SOX6: variants seen among roughly 807,000 people sequenced by gnomAD.
SOX6 encodes transcription factor SOX-6.
In SOX6, 11 loss-of-function variants were observed where a neutral mutation model predicts 97.8. The ratio of observed to expected loss-of-function variants is 0.11; its 90% confidence interval spans 0.07 to 0.19. The LOEUF (loss-of-function observed/expected upper bound fraction) is 0.19. Among genes scored for constraint, SOX6 ranks in the 10% least tolerant of loss-of-function variants. SOX6 has a pLI of 1.00. For synonymous variants in SOX6, 360 were observed against 371.4 expected (o/e 0.97, Z 0.35); for missense variants, 810 against 1,039.5 (o/e 0.78, Z 3.04).
chr11:16,669,391 C>A (rs879051068), intron 3 of SOX6, among the ~76,000 whole-genome samples: 6 of 152,216 alleles, frequency 3.9e-5, no homozygotes, highest in Non-Finnish European at 7.4e-5. Context: ...GAACCTCCCC[C>A]ACCCAGGGAA....
intron 15 of SOX6, among the ~76,000 whole-genome samples, chr11:15,982,683 G>A (rs529848119): frequency 6.6e-6 from 1 of 151,872 alleles, no homozygotes; most frequent in Non-Finnish European, 1.5e-5. Context: ...GAAAAAAAAA[G>A]TCTGTAGATG....
intron 1 of SOX6, among the ~76,000 whole-genome samples, chr11:16,475,802 A>C (rs1860234499): frequency 6.6e-6 from 1 of 152,344 alleles, no homozygotes. Flanking sequence ...TGCTTAAAAA[A>C]AAATCTGCAA....
intron 4 of SOX6, among the ~76,000 whole-genome samples, chr11:16,604,711 C>G (rs1848313365): frequency 6.6e-6 from 1 of 152,218 alleles, no homozygotes; most frequent in African/African-American, 2.4e-5. Context: ...TCGCTAACAG[C>G]CCAGCCCCGC....
intron 7 of SOX6, among the ~76,000 whole-genome samples, chr11:16,106,330 T>A (rs1849083019): frequency 6.7e-6 from 1 of 148,314 alleles, no homozygotes; most frequent in Non-Finnish European, 1.5e-5. Context: ...AGGATGGTAC[T>A]GGCATAAGGA....
intron 1 of SOX6, among the ~76,000 whole-genome samples, chr11:16,472,491 A>G (rs778905413): frequency 3.3e-5 from 5 of 152,168 alleles, no homozygotes; most frequent in Non-Finnish European, 5.9e-5. Context: ...AATACCTTGC[A>G]TAAATTAAAG....
intron 9 of SOX6, among the ~76,000 whole-genome samples, chr11:16,058,257 C>A (rs74843543): frequency 0.024 from 3,645 of 152,010 alleles, 145 homozygotes; most frequent in African/African-American, 0.083. Context: ...TACTCTTATT[C>A]TCTGATTGCT....
chr11:16,668,021 T>C (rs950855646), intron 3 of SOX6, among the ~76,000 whole-genome samples: 2 of 152,230 alleles, frequency 1.3e-5, no homozygotes, highest in African/African-American at 4.8e-5. Flanking sequence ...CAGTGTCAAG[T>C]TATCAGTTTA....
At chr11:16,639,819 T>C (rs1348622538) in intron 3 of SOX6, among the ~76,000 whole-genome samples, 6 of 152,174 alleles carry the variant, frequency 3.9e-5, no homozygotes, top group African/African-American at 1.2e-4. Flanking sequence ...GCTGAGACGA[T>C]AGGGTTTTCT....
chr11:16,074,261 CT>C lies in SOX6; in HGVS notation c.1102-18361del, dbSNP rs1564939622. 2.0e-5 allele frequency among the ~76,000 whole-genome samples: 3 copies of C among 152,160 alleles called. No homozygotes were observed. In the South Asian group the frequency reaches 6.2e-4, roughly 32 times the overall value. ...ACAATTAGAAATTACAAAGGGGACA[CT>C]ACCACTGATGATACAAAATAGAGAA... On this transcript the variant is annotated intron_variant, in intron 9 of 15. Transcript: ENST00000683767.
intron 4 of SOX6, among the ~76,000 whole-genome samples, chr11:16,516,202 T>A (rs111961077): frequency 6.6e-5 from 10 of 151,470 alleles, no homozygotes; most frequent in Non-Finnish European, 1.2e-4. Flanking sequence ...CTTCCATTTG[T>A]TTGTATCCTC....
rs544322593 is a variant in SOX6 at position 16,353,492 on chromosome 11, T to C, written c.-5+2602A>G. On this transcript the variant is annotated intron_variant, in intron 1 of 15. Transcript: ENST00000683767. ...TTTACCACCAACCCAAATTTCCACA[T>C]TTTTTTATACACACCAAACAGTCTG... Among the ~76,000 whole-genome samples, 249 of 152,134 alleles carry C rather than the reference T, an allele frequency of 1.6e-3. 1 individual carries two copies. The highest frequency in any genetic ancestry group is 5.9e-3 in the African/African-American group (246 of 41,564).
Position 16,630,972 on chromosome 11 carries a change from ATGT to A in SOX6, n.430-18715_430-18713del, listed in dbSNP as rs529273528. Among the ~76,000 whole-genome samples, 15 of 151,110 alleles carry A rather than the reference ATGT, an allele frequency of 9.9e-5. No homozygotes were observed. In the East Asian group the frequency reaches 2.7e-3, roughly 28 times the overall value. On this transcript the variant is annotated intron_variant and non_coding_transcript_variant, in intron 3 of 5. Transcript: ENST00000524520. Reference sequence around the variant, plus strand: ...CTAACCCTCTACTTTGAGCCTATGGATGTTGTTATGTGTGAGATGGGTGTCTTC... The same window carrying A: ...CTAACCCTCTACTTTGAGCCTATGGATGTTATGTGTGAGATGGGTGTCTTC...
chr11:16,343,946 C>T (rs562911766), intron 1 of SOX6, among the ~76,000 whole-genome samples: 3 of 151,996 alleles, frequency 2.0e-5, no homozygotes, highest in South Asian at 2.1e-4. Flanking sequence ...TGTTCATTCT[C>T]AGTTCACACT....
chr11:16,737,817 T>C (rs1038446395), intron 1 of SOX6, among the ~76,000 whole-genome samples: 3 of 152,092 alleles, frequency 2.0e-5, no homozygotes, highest in African/African-American at 4.8e-5. Flanking sequence ...CTGCACACGA[T>C]TGTGAATGTA....
At chr11:15,986,528 G>A in intron 14 of SOX6, 108 bp from the exon 15 acceptor site, 2 of 1,049,168 alleles carry the variant, frequency 1.9e-6, no homozygotes, top group South Asian at 2.6e-5. Flanking sequence ...GCGCTGGGTG[G>A]CTCCAATTCC....
chr11:16,478,180 G>A (rs570482477), upstream of SOX6, among the ~76,000 whole-genome samples: 40 of 152,282 alleles, frequency 2.6e-4, no homozygotes, highest in African/African-American at 9.4e-4. Context: ...CTAAATTCTA[G>A]AAGAATCCGA....
In SOX6 at chr11:16,391,832, A is replaced by G. The variant is rs1347332261; in HGVS notation, c.-4-50580T>C. Among the ~76,000 whole-genome samples, 4 of 152,138 alleles carry G rather than the reference A, an allele frequency of 2.6e-5. No individual in the cohort carries two copies. In the East Asian group the frequency reaches 7.7e-4, roughly 29 times the overall value. ...GAGTGCTAGGTGCCTTTATCTTTCT[A>G]TTTAATTTTTATAACTCTACCAAGT... On this transcript the variant is annotated intron_variant, in intron 1 of 15. Coordinates refer to the SOX6 transcript ENST00000396356.
intron 3 of SOX6, among the ~76,000 whole-genome samples, chr11:16,675,534 T>G (rs1244043754): frequency 6.6e-6 from 1 of 152,256 alleles, no homozygotes; most frequent in Non-Finnish European, 1.5e-5. Context: ...AATAGGTAGT[T>G]CTTTGATGAG....
At chr11:16,102,045 G>A (rs760005585) in intron 7 of SOX6, among the ~76,000 whole-genome samples, 7 of 151,832 alleles carry the variant, frequency 4.6e-5, no homozygotes, top group Non-Finnish European at 8.8e-5. Context: ...TGAGACAACA[G>A]ACAGAAAATA....
Sources: allele counts gnomAD v4.1 joint callset (sites outside exome capture counted in the v4.1 genomes callset), GRCh38; gene constraint gnomAD v4.1.1; transcripts MANE v1.5; gene names NCBI Gene and HGNC (gene_info 2026-07-23, HGNC 2026-07-21).